The following PTPN4 variants were observed in gnomAD, a reference collection of about 807,000 sequenced individuals.
PTPN4 encodes tyrosine-protein phosphatase non-receptor type 4.
In PTPN4, 49 loss-of-function variants were observed where a neutral mutation model predicts 135.5. That is an observed-to-expected ratio of 0.36 (90% confidence interval 0.29 to 0.46). The LOEUF (loss-of-function observed/expected upper bound fraction) is 0.46. PTPN4 is among the 20% of genes least tolerant of loss of function. The pLI is 1.00. For synonymous variants in PTPN4, 333 were observed against 369.9 expected (o/e 0.90, Z 1.14); for missense variants, 860 against 1,101.0 (o/e 0.78, Z 3.10).
intron 24 of PTPN4, among the ~76,000 whole-genome samples, chr2:119,963,859 T>C (rs1395121085): frequency 6.6e-6 from 1 of 152,306 alleles, no homozygotes; most frequent in East Asian, 1.9e-4. Context: ...TGTCTATCTT[T>C]AGCATAGTCT....
At chr2:119,905,451 A>T (rs1354312392) in intron 10 of PTPN4, among the ~76,000 whole-genome samples, 1 of 152,232 alleles carries the variant, frequency 6.6e-6, no homozygotes, top group African/African-American at 2.4e-5. Context: ...ATATGTACCT[A>T]ATACTGGAGC....
intron 2 of PTPN4, among the ~76,000 whole-genome samples, chr2:119,839,065 A>G (rs1040197482): frequency 1.3e-5 from 2 of 152,146 alleles, no homozygotes; most frequent in Non-Finnish European, 2.9e-5. Context: ...ATTGTAACTT[A>G]AAACTCCCCT....
chr2:119,795,234 TTCCCACTCTGG>T (rs1391090989), intron 1 of PTPN4, among the ~76,000 whole-genome samples: 4 of 152,132 alleles, frequency 2.6e-5, no homozygotes, highest in African/African-American at 4.8e-5. Context: ...GCACCACAAG[TTCCCACTCTGG>T]TCCATGGGAC....
intron 2 of PTPN4, among the ~76,000 whole-genome samples, chr2:119,831,148 T>C (rs541289415): frequency 1.3e-5 from 2 of 152,174 alleles, no homozygotes; most frequent in Non-Finnish European, 2.9e-5. Flanking sequence ...CCTAGATCCC[T>C]TTCATGCACA....
At chr2:119,924,297 A>G (rs1678783606) in intron 12 of PTPN4, among the ~76,000 whole-genome samples, 1 of 151,350 alleles carries the variant, frequency 6.6e-6, no homozygotes, top group Non-Finnish European at 1.5e-5. Flanking sequence ...CTTTTATTTC[A>G]CTGGAAACCA....
chr2:119,883,133 C>T (rs1052124905), intron 8 of PTPN4, among the ~76,000 whole-genome samples: 1 of 152,144 alleles, frequency 6.6e-6, no homozygotes, highest in South Asian at 2.1e-4. Flanking sequence ...ACTGACATTA[C>T]ACCACAGTGG....
chr2:119,903,896 C>T (rs980086421), intron 10 of PTPN4, among the ~76,000 whole-genome samples: 3 of 152,174 alleles, frequency 2.0e-5, no homozygotes, highest in African/African-American at 7.2e-5. Context: ...CTCACAGACA[C>T]CTCTGACACT....
intron 26 of PTPN4, among the ~76,000 whole-genome samples, chr2:119,970,246 C>T (rs1679510725): frequency 6.6e-6 from 1 of 151,624 alleles, no homozygotes; most frequent in Non-Finnish European, 1.5e-5. Flanking sequence ...TTTTAGTAGA[C>T]ACAGGGTCTC....
At chr2:119,913,293 C>T (rs1053388131) in intron 10 of PTPN4, among the ~76,000 whole-genome samples, 1 of 152,126 alleles carries the variant, frequency 6.6e-6, no homozygotes, top group Admixed American at 6.6e-5. Context: ...TACGTTCCCA[C>T]CAGCATTGCA....
In PTPN4 at chr2:119,981,402, T is replaced by C. The variant is rs1019249613; in HGVS notation, c.*4332T>C. On this transcript the variant is annotated 3_prime_UTR_variant, in exon 27 of 27. Transcript: ENST00000263708. Reference sequence around the variant, plus strand: ...CTGGAATCATTCTTTTTGTGGTGCTTCCTCCAAGTGAAATAACTATGTTAT... The same window carrying C: ...CTGGAATCATTCTTTTTGTGGTGCTCCCTCCAAGTGAAATAACTATGTTAT... 2.0e-5 allele frequency: 3 copies of C among 152,154 alleles called. No homozygotes were observed. Among genetic ancestry groups the C allele is most frequent in the East Asian group, 3.9e-4 (2 of 5,180 alleles). 9.4% of individuals were successfully genotyped at this position (152,154 alleles called of 1,614,324 possible). A position where few individuals can be genotyped will look rare whatever the true frequency, so the allele number is the denominator to read the frequency against.
chr2:119,764,040 AAAAC>A (rs1690560599), intron 1 of PTPN4, among the ~76,000 whole-genome samples: 2 of 152,210 alleles, frequency 1.3e-5, no homozygotes, highest in Admixed American at 6.5e-5. Flanking sequence ...GACTGTTATT[AAAAC>A]ATACAGTAGC....
chr2:119,980,220 G>A lies in PTPN4; in HGVS notation c.*3150G>A, dbSNP rs1679671857. 1 of 151,994 alleles carries A rather than the reference G, an allele frequency of 6.6e-6. No individual in the cohort carries two copies. Among genetic ancestry groups the A allele is most frequent in the East Asian group, 1.9e-4 (1 of 5,186 alleles). 9.4% of individuals were successfully genotyped at this position (151,994 alleles called of 1,614,324 possible). On this transcript the variant is annotated 3_prime_UTR_variant, in exon 27 of 27. Transcript: ENST00000263708. ...AAGACATTAAGACAATTGCTGGAAG[G>A]TTTCAAATATGTGTACACACACATA...
intron 10 of PTPN4, among the ~76,000 whole-genome samples, chr2:119,913,740 A>G (rs772345353): frequency 1.3e-5 from 2 of 152,234 alleles, no homozygotes; most frequent in Non-Finnish European, 2.9e-5. Flanking sequence ...TATTAACTAC[A>G]GAAAGGAATT....
chr2:119,949,543 T>C (rs568465025), intron 18 of PTPN4, among the ~76,000 whole-genome samples: 16 of 152,254 alleles, frequency 1.1e-4, no homozygotes, highest in African/African-American at 3.6e-4. Context: ...ACAAAACTCA[T>C]TTTAACGTAG....
Position 119,824,462 on chromosome 2 carries a change from C to T in PTPN4, c.138+14471C>T, listed in dbSNP as rs1356849698. On this transcript the variant is annotated intron_variant, in intron 2 of 26. Coordinates refer to ENST00000263708, the MANE Select transcript of PTPN4 (RefSeq NM_002830.4). ...TCCCAGGTAGCAGGGATTACAGGCA[C>T]ACGGTAGTGTTTTTATATCTTTGCT... 2.0e-5 allele frequency among the ~76,000 whole-genome samples: 3 copies of T among 152,182 alleles called. 1 individual carries two copies. The highest frequency in any genetic ancestry group is 4.4e-5 in the Non-Finnish European group (3 of 68,026).
chr2:119,869,183 C>T (rs930230688), intron 3 of PTPN4, among the ~76,000 whole-genome samples: 2 of 152,138 alleles, frequency 1.3e-5, no homozygotes, highest in Non-Finnish European at 2.9e-5. Flanking sequence ...ACTTACAGAA[C>T]AAGCTAAACT....
intron 19 of PTPN4, 152 bp downstream of exon 19, chr2:119,952,281 A>C: frequency 1.5e-6 from 1 of 661,298 alleles, no homozygotes; most frequent in Non-Finnish European, 2.4e-6. Flanking sequence ...GCAGAATTCA[A>C]GTTCTTTGCC....
At chr2:119,932,933 T>C (rs1678927380) in intron 14 of PTPN4, among the ~76,000 whole-genome samples, 1 of 152,170 alleles carries the variant, frequency 6.6e-6, no homozygotes, top group South Asian at 2.1e-4. Context: ...TGTTTGAAAA[T>C]GCTTTGCAAG....
At chr2:119,782,068 C>G (rs1690949422) in intron 1 of PTPN4, among the ~76,000 whole-genome samples, 2 of 152,086 alleles carry the variant, frequency 1.3e-5, no homozygotes, top group Non-Finnish European at 2.9e-5. Context: ...TTCCTGTAGT[C>G]CCACACTGTC....
Sources: gnomAD v4.1 joint callset for allele counts (sites outside exome capture counted in the v4.1 genomes callset) on GRCh38, gnomAD v4.1.1 for gene constraint, MANE v1.5 for transcripts, NCBI Gene and HGNC (gene_info 2026-07-23, HGNC 2026-07-21) for gene names.